The following ASPRV1 variants were observed in gnomAD, a reference collection of about 807,000 sequenced individuals.
The protein encoded by ASPRV1 is aspartic peptidase retroviral like 1.
Under a neutral mutation model 11.0 loss-of-function variants are expected in ASPRV1, and 7 were observed. That is an observed-to-expected ratio of 0.64 (90% CI 0.36 to 1.20). The LOEUF (loss-of-function observed/expected upper bound fraction) is 1.20. ASPRV1 is among the 50% of genes most tolerant of loss of function. ASPRV1 has a pLI of 0.02. For missense variants in ASPRV1, 299 were observed against 320.0 expected (o/e 0.93, Z 0.50); for synonymous variants, 136 against 138.4 (o/e 0.98, Z 0.12).
chr2:70,061,800 T>C, the ASPRV1 span, among the ~76,000 whole-genome samples: 1,834 of 145,024 alleles, frequency 0.013, 22 homozygotes, highest in Middle Eastern at 0.049. Context: ...AATACAAAAA[T>C]AAAAACAAAA....
the ASPRV1 span, among the ~76,000 whole-genome samples, chr2:69,982,753 C>A: frequency 2.6e-5 from 4 of 152,114 alleles, no homozygotes; most frequent in African/African-American, 9.7e-5. Flanking sequence ...TGCAGCTGGT[C>A]ACCACAAAAC....
upstream of ASPRV1, chr2:69,962,766 T>G: frequency 6.1e-6 from 1 of 165,262 alleles, no homozygotes; most frequent in Admixed American, 5.6e-5. Context: ...GTTGAGCGTG[T>G]TTTACGGTGT....
the ASPRV1 span, among the ~76,000 whole-genome samples, chr2:70,013,828 C>G: frequency 6.6e-6 from 1 of 152,304 alleles, no homozygotes; most frequent in South Asian, 2.1e-4. Flanking sequence ...CTACAGTGAG[C>G]TGCAATCGCA....
downstream of ASPRV1, among the ~76,000 whole-genome samples, chr2:69,957,928 T>A (rs1369500891): frequency 6.6e-6 from 1 of 152,140 alleles, no homozygotes; most frequent in Non-Finnish European, 1.5e-5. Context: ...TGCCATGGTG[T>A]CCCAGCAGAG....
At chr2:70,042,688 T>C in the ASPRV1 span, among the ~76,000 whole-genome samples, 1 of 152,096 alleles carries the variant, frequency 6.6e-6, no homozygotes, top group African/African-American at 2.4e-5. Context: ...CCACTAGACC[T>C]CGTGTATGAG....
upstream of ASPRV1, chr2:69,961,802 C>G: frequency 8.4e-7 from 1 of 1,195,858 alleles, no homozygotes; most frequent in Non-Finnish European, 1.2e-6. Flanking sequence ...CCAACACCAG[C>G]CAGCCCACAT....
the ASPRV1 span, among the ~76,000 whole-genome samples, chr2:69,982,975 G>A: frequency 6.6e-6 from 1 of 152,154 alleles, no homozygotes; most frequent in Non-Finnish European, 1.5e-5. Flanking sequence ...CTGGAGTGCA[G>A]TGGTGTGATC....
At chr2:69,975,945 G>C in the ASPRV1 span, 2 of 152,588 alleles carry the variant, frequency 1.3e-5, no homozygotes, top group African/African-American at 4.8e-5. Context: ...TTGCTCAAAA[G>C]TCATGGGAAG....
the ASPRV1 span, among the ~76,000 whole-genome samples, chr2:70,062,764 A>G: frequency 8.9e-4 from 136 of 152,210 alleles, 3 homozygotes; most frequent in Non-Finnish European, 4.3e-4. Context: ...AACAGCCACC[A>G]CACTCCAGCT....
the ASPRV1 span, among the ~76,000 whole-genome samples, chr2:69,951,775 GT>G: frequency 1.3e-5 from 2 of 152,060 alleles, no homozygotes; most frequent in Admixed American, 1.3e-4. Context: ...GGTTTTAGGG[GT>G]TTTTTCTCTC....
the ASPRV1 span, among the ~76,000 whole-genome samples, chr2:69,967,197 C>G: frequency 6.6e-6 from 1 of 152,160 alleles, no homozygotes; most frequent in Non-Finnish European, 1.5e-5. Context: ...TGAATCAGAC[C>G]TGCGCCCTAC....
At chr2:69,993,222 C>A in the ASPRV1 span, among the ~76,000 whole-genome samples, 1 of 152,194 alleles carries the variant, frequency 6.6e-6, no homozygotes, top group South Asian at 2.1e-4. Flanking sequence ...CACCTGCCTA[C>A]CCCTCCGCCA....
the ASPRV1 span, among the ~76,000 whole-genome samples, chr2:69,979,898 G>A: frequency 6.6e-6 from 1 of 152,188 alleles, no homozygotes. Flanking sequence ...CCACTTGGAG[G>A]ATGCTTTACA....
At chr2:70,050,406 A>C in the ASPRV1 span, 3 of 152,238 alleles carry the variant, frequency 2.0e-5, no homozygotes, top group Admixed American at 6.5e-5. Context: ...CACACACAGT[A>C]CTCAAAAAGA....
the ASPRV1 span, chr2:70,073,411 TTTCTC>T: frequency 6.6e-6 from 1 of 152,190 alleles, no homozygotes; most frequent in Non-Finnish European, 1.5e-5. Flanking sequence ...TTGATACTAC[TTTCTC>T]TTGAGTAAAT....
At chr2:69,961,744 G>A (rs1040342209), upstream of ASPRV1, 31 of 1,500,390 alleles carry the variant, frequency 2.1e-5, no homozygotes, top group Admixed American at 1.1e-4. Flanking sequence ...GCCAGCATCC[G>A]GCCGGACTAG....
chr2:69,937,994 G>T, the ASPRV1 span: 2 of 1,073,628 alleles, frequency 1.9e-6, no homozygotes, highest in African/African-American at 1.6e-5. Context: ...TGATCCACCC[G>T]CCTTTGCCTC....
the ASPRV1 span, among the ~76,000 whole-genome samples, chr2:70,065,282 T>C: frequency 1.4e-5 from 2 of 147,948 alleles, no homozygotes; most frequent in South Asian, 4.2e-4. Context: ...TCCCAGCTAC[T>C]CAGGAGGCTG....
At chr2:70,061,048 A>G in the ASPRV1 span, among the ~76,000 whole-genome samples, 1 of 152,158 alleles carries the variant, frequency 6.6e-6, no homozygotes, top group Non-Finnish European at 1.5e-5. Context: ...GTTTCTTTAT[A>G]TAGAGCGGCC....
Sources: gnomAD v4.1 joint callset for allele counts (sites outside exome capture counted in the v4.1 genomes callset) on GRCh38, gnomAD v4.1.1 for gene constraint, MANE v1.5 for transcripts, NCBI Gene and HGNC (gene_info 2026-07-23, HGNC 2026-07-21) for gene names.